Variants in MED24 observed in about 807,000 individuals in gnomAD.
MED24 encodes mediator of RNA polymerase II transcription subunit 24.
A neutral mutation model predicts 118.8 loss-of-function variants in MED24; 74 were observed. The observed-to-expected ratio is 0.62, with a 90% CI of 0.52 to 0.76. The LOEUF is 0.76. MED24 is among the 30% of genes least tolerant of loss of function. MED24 has a pLI of 0.00. For missense variants in MED24, 1,041 were observed against 1,278.9 expected, an observed-to-expected ratio of 0.81 and a Z score of 2.84; for synonymous variants, 521 against 523.9, an observed-to-expected ratio of 0.99 and a Z score of 0.08.
chr17:40,053,533 T>C lies in MED24; in HGVS notation c.66A>G (p.Gln22=). The change falls in exon 2 of 26, where the codon CAA becomes CAG. Residue 22 remains glutamine (Q), a synonymous_variant. Transcript: ENST00000394128. The part of the protein sequence containing the change: ...QAWKERWSDY[Q]WAINMKKFFP... ...AGAATTTCTTCATGTTGATTGCCCATTGGTAGTCACTCCAGCGCTCCTTCC... is the reference window on the plus strand; with the variant it reads ...AGAATTTCTTCATGTTGATTGCCCACTGGTAGTCACTCCAGCGCTCCTTCC... 2.5e-6 allele frequency: 4 copies of C among 1,614,212 alleles called. No homozygotes were observed. Among genetic ancestry groups the C allele is most frequent in the Non-Finnish European group, 3.4e-6 (4 of 1,180,036 alleles).
At chr17:40,019,748 C>A in intron 25 of MED24, 37 bp downstream of exon 25, 1 of 1,607,452 alleles carries the variant, frequency 6.2e-7, no homozygotes. Context: ...CCCCGAGGCC[C>A]CAGCACCAGC....
intron 4 of MED24, 86 bp downstream of exon 4, chr17:40,036,030 C>T (rs893546200): frequency 4.8e-5 from 70 of 1,447,094 alleles, no homozygotes; most frequent in Non-Finnish European, 6.7e-5. Flanking sequence ...CCTATCCAGC[C>T]TCACGGGTCA....
chr17:40,027,975 A>C, intron 14 of MED24, 29 bp from the exon 15 acceptor site: 1 of 1,612,750 alleles, frequency 6.2e-7, no homozygotes, highest in Non-Finnish European at 8.5e-7. Context: ...GGCTGCATTG[A>C]CCAGGGCATG....
Position 40,019,565 on chromosome 17 carries a change from G to A in MED24, c.2934C>T (p.Gly978=). The change falls in exon 26 of 26, where the codon GGC becomes GGT. Residue 978 remains glycine, a synonymous_variant. Coordinates refer to ENST00000394128, the MANE Select transcript of MED24 (RefSeq NM_014815.4). The part of the protein sequence containing the change: ...LAITDLSLPL[G]RQVAAKAIAA... ...CAATGGCTTTAGCAGCCACCTGGCGGCCCAGGGGCAGGCTGAGGTCCGTGA... is the reference window on the plus strand; with the variant it reads ...CAATGGCTTTAGCAGCCACCTGGCGACCCAGGGGCAGGCTGAGGTCCGTGA... 1 of 1,612,588 alleles carries A rather than the reference G, an allele frequency of 6.2e-7. No individual in the cohort carries two copies. Among genetic ancestry groups the A allele is most frequent in the Non-Finnish European group, 8.5e-7 (1 of 1,179,572 alleles).
intron 6 of MED24, 182 bp downstream of exon 6, chr17:40,034,935 G>A (rs1983769819): frequency 3.2e-6 from 5 of 1,563,698 alleles, no homozygotes; most frequent in Non-Finnish European, 3.5e-6. Context: ...GATTGGCTCG[G>A]GTGCCACCCT....
rs1984921557 is a variant in MED24, at chr17:40,044,381, A to G, written c.214-8227T>C. ...CTAAAAATACAAAAATTAGCTGGGC[A>G]TGGTGGCGCATGCCTGTAATCCCAG... On this transcript the variant is annotated intron_variant, in intron 3 of 25. Coordinates refer to ENST00000394128, the MANE Select transcript of MED24 (RefSeq NM_014815.4). 5.3e-5 allele frequency among the ~76,000 whole-genome samples: 8 copies of G among 151,358 alleles called. 1 individual carries two copies. The South Asian group carries it at 1.7e-3, about 32-fold the overall frequency.
intron 14 of MED24, 192 bp from the exon 15 acceptor site, chr17:40,028,138 AAG>A (rs946041685): frequency 3.6e-6 from 2 of 562,224 alleles, no homozygotes; most frequent in African/African-American, 1.9e-5. Context: ...TTTTTTGAGA[AAG>A]AGTCTCGCTC....
rs35743512 is a variant in MED24 at position 40,043,890 on chromosome 17, C to CAAAAAAAAAAAAAA, written c.214-7750_214-7737dup. 1.6e-3 allele frequency among the ~76,000 whole-genome samples: 158 copies of CAAAAAAAAAAAAAA among 97,394 alleles called. 4 individuals are homozygous for CAAAAAAAAAAAAAA. Among genetic ancestry groups the CAAAAAAAAAAAAAA allele is most frequent in the South Asian group, 2.1e-3 (6 of 2,798 alleles). 63.9% of individuals were successfully genotyped at this position (97,394 alleles called of 152,430 possible). A position where few individuals can be genotyped will look rare whatever the true frequency, so the allele number is the denominator to read the frequency against. The stretch of plus-strand genomic sequence containing the variant: ...TGGGCAGAAGAGCGAGACTCCATCT[C>CAAAAAAAAAAAAAA]AAAAAAAAAAAAAACAAAGATTTAA... On this transcript the variant is annotated intron_variant, in intron 3 of 25. Coordinates refer to ENST00000394128, the MANE Select transcript of MED24 (RefSeq NM_014815.4).
chr17:40,022,452 G>A lies in MED24; in HGVS notation c.2465C>T (p.Ser822Phe). 1.2e-6 allele frequency: 2 copies of A among 1,610,702 alleles called. No individual in the cohort carries two copies. The highest frequency in any genetic ancestry group is 1.7e-6 in the Non-Finnish European group (2 of 1,178,738). ...GGTGGACGCCTGTCCCTTGTGGGAG[G>A]AGTAGGAACTGAGGGCACACCACAC... ...LAVWCALSSY[S>F]SHKGQASTRQ... is the part of the protein sequence containing the mutation. The change falls in exon 22 of 26, where the codon TCC becomes TTC. Residue 822 changes from serine (S) to phenylalanine (F), a missense_variant. This residue lies in a region of MED24 where 587 missense variants were observed against 694.4 expected (regional missense o/e 0.85). Transcript: ENST00000394128.
Position 40,019,175 on chromosome 17 carries a change from A to AAC in MED24, c.*352_*353dup, listed in dbSNP as rs59767650. Reference sequence around the variant, plus strand: ...CCTCACATATTACAAAATACACACAAACACACACACACACACACACACACA... The same window carrying AAC: ...CCTCACATATTACAAAATACACACAAACACACACACACACACACACACACACA... On this transcript the variant is annotated 3_prime_UTR_variant, in exon 26 of 26. Transcript: ENST00000394128. The AAC allele has an allele frequency of 0.03, 4,486 of 148,390 alleles. 124 individuals carry two copies. Among genetic ancestry groups the AAC allele is most frequent in the African/African-American group, 0.094 (3,113 of 32,946 alleles). The allele number at this position is 148,390 out of a possible 1,614,324, so 9.2% of individuals were successfully genotyped here.
chr17:40,031,071 C>T, intron 12 of MED24, 88 bp downstream of exon 12: 1 of 1,324,384 alleles, frequency 7.6e-7, no homozygotes, highest in Non-Finnish European at 1.1e-6. Context: ...AAACTTTCGA[C>T]AGGAGGTTGA....
intron 24 of MED24, 124 bp from the exon 25 acceptor site, chr17:40,020,057 G>GACA: frequency 1.6e-6 from 2 of 1,244,698 alleles, no homozygotes; most frequent in Non-Finnish European, 2.3e-6. Flanking sequence ...CCAAAATGGG[G>GACA]TGTCAGAGAG....
intron 19 of MED24, chr17:40,023,728 A>T (rs1982318839): frequency 3.8e-6 from 1 of 260,746 alleles, no homozygotes; most frequent in Non-Finnish European, 7.3e-6. Context: ...AACCTGCCAC[A>T]TAAATAAACA....
At chr17:40,027,885 T>C in intron 15 of MED24, 24 bp downstream of exon 15, 1 of 1,611,686 alleles carries the variant, frequency 6.2e-7, no homozygotes, top group Non-Finnish European at 8.5e-7. Context: ...CCACTGGGCC[T>C]GCGGATGCAC....
intron 3 of MED24, among the ~76,000 whole-genome samples, chr17:40,043,671 G>A (rs1598363772): frequency 1.3e-5 from 2 of 151,310 alleles, no homozygotes; most frequent in African/African-American, 4.9e-5. Context: ...GGCGGATCAC[G>A]AGGTCAGGAG....
Position 40,032,099 on chromosome 17 carries a change from T to C in MED24, c.937-9A>G. On this transcript the variant is annotated splice_polypyrimidine_tract_variant and intron_variant, in intron 9 of 25. Transcript: ENST00000394128. ...ACCAAAACCTGTGGAATCTAGGGGG[T>C]GAGGCAGGGGGAAAAACAGGAAGAT... The C allele has an allele frequency of 6.2e-7, 1 of 1,613,330 alleles. No homozygotes were observed. Among genetic ancestry groups the C allele is most frequent in the Non-Finnish European group, 8.5e-7 (1 of 1,179,696 alleles).
chr17:40,044,129 C>CAAA (rs1281902358), intron 3 of MED24, among the ~76,000 whole-genome samples: 2 of 28,052 alleles, frequency 7.1e-5, no homozygotes, highest in African/African-American at 1.4e-4. Flanking sequence ...CTCTGTCTCA[C>CAAA]AAAAAAAAAA....
intron 12 of MED24, among the ~76,000 whole-genome samples, chr17:40,030,394 C>G (rs1186760048): frequency 1.3e-5 from 2 of 151,926 alleles, no homozygotes; most frequent in African/African-American, 2.4e-5. Flanking sequence ...TTTCCGGGTT[C>G]AAGTGATTCT....
Position 40,031,174 on chromosome 17 carries a change from T to C in MED24, c.1139A>G (p.Asn380Ser), listed in dbSNP as rs1983326770. The C allele has an allele frequency of 6.4e-7, 1 of 1,567,710 alleles. No individual in the cohort carries two copies. Among genetic ancestry groups the C allele is most frequent in the African/African-American group, 1.4e-5 (1 of 73,940 alleles). Reference sequence around the variant, plus strand: ...TCACACTTACCGCTTAGCCATAAGGTTGTTGACGCTGGCCTCAGACAGAAG... The same window carrying C: ...TCACACTTACCGCTTAGCCATAAGGCTGTTGACGCTGGCCTCAGACAGAAG... The part of the protein sequence containing the change: ...QGLLSEASVN[N>S]LMAKRKADRE... The change falls in exon 12 of 26, where the codon AAC (asparagine) becomes AGC (serine). Residue 380 changes from asparagine (N) to serine (S), a missense_variant. Transcript: ENST00000394128.
Sources: gnomAD v4.1 joint callset for allele counts (sites outside exome capture counted in the v4.1 genomes callset) on GRCh38, gnomAD v4.1.1 for gene constraint, gnomAD v4.1.1 regional missense constraint, MANE v1.5 for transcripts, NCBI Gene and HGNC (gene_info 2026-07-23, HGNC 2026-07-21) for gene names.